TVP23A: variants seen among roughly 807,000 people sequenced by gnomAD.
TVP23A encodes the protein Golgi apparatus membrane protein TVP23 homolog A.
Under a neutral mutation model 31.7 loss-of-function variants are expected in TVP23A, and 21 were observed. The observed-to-expected ratio is 0.66, with a 90% CI of 0.47 to 0.95. The LOEUF is 0.95. Ranked by LOEUF, TVP23A falls within the 40% of genes least tolerant of loss-of-function variation. The pLI, the probability that TVP23A is intolerant of heterozygous loss-of-function variation, is 0.00. For missense variants in TVP23A, 279 were observed against 255.6 expected, an observed-to-expected ratio of 1.09 and a Z score of -0.62; for synonymous variants, 104 against 96.0, an observed-to-expected ratio of 1.08 and a Z score of -0.49.
intron 2 of TVP23A, among the ~76,000 whole-genome samples, chr16:10,811,829 G>A (rs1394727597): frequency 6.7e-6 from 1 of 150,366 alleles, no homozygotes; most frequent in Non-Finnish European, 1.5e-5. Flanking sequence ...GCGTGAACCC[G>A]GGAAGTGGAG....
At chr16:10,771,285 A>G (rs932647675) in intron 6 of TVP23A, among the ~76,000 whole-genome samples, 2 of 152,218 alleles carry the variant, frequency 1.3e-5, no homozygotes, top group Admixed American at 1.3e-4. Flanking sequence ...TCATGGCTGT[A>G]ATCCCAGCAC....
At chr16:10,761,417 G>A in exon 9 of TVP23A, 2 of 1,614,170 alleles carry the variant, frequency 1.2e-6, no homozygotes, top group Non-Finnish European at 1.7e-6. Flanking sequence ...GCAAGGTGAA[G>A]CTGCCCATCA....
rs62026504 is a variant in TVP23A, at chr16:10,810,866, G to A, written c.89+7237C>T. Among the ~76,000 whole-genome samples the A allele has an allele frequency of 2.4e-3, 369 of 152,284 alleles. 4 individuals are homozygous for A. The highest frequency in any genetic ancestry group is 4.0e-3 in the Admixed American group (61 of 15,276). ...CTAGGATGGGTTTTATGCCACCGGC[G>A]TTCCTGGGCCTGCTGCTTGTGGATG... On this transcript the variant is annotated intron_variant, in intron 2 of 7. Coordinates refer to ENST00000299866, the MANE Select transcript of TVP23A (RefSeq NM_001079512.4).
At chr16:10,775,501 C>A (rs893550041) in intron 2 of TVP23A, 11 of 1,053,670 alleles carry the variant, frequency 1.0e-5, no homozygotes, top group Non-Finnish European at 1.3e-5. Flanking sequence ...CAAGCTCACA[C>A]GCAGCCCACG....
At chr16:10,778,431 G>C (rs556541144) in intron 2 of TVP23A, among the ~76,000 whole-genome samples, 2 of 152,274 alleles carry the variant, frequency 1.3e-5, no homozygotes, top group African/African-American at 4.8e-5. Context: ...ACCTAATTGA[G>C]AATTTCCTAA....
intron 6 of TVP23A, among the ~76,000 whole-genome samples, chr16:10,770,868 C>CAAAAAAAA (rs376701429): frequency 0.015 from 973 of 66,396 alleles, 47 homozygotes; most frequent in African/African-American, 0.024. Context: ...ACTCCCATCT[C>CAAAAAAAA]AAAAAAAAAA....
chr16:10,765,062 G>C (rs1054427508), downstream of TVP23A: 15 of 155,948 alleles, frequency 9.6e-5, no homozygotes, highest in East Asian at 1.9e-4. The surrounding 1 kb of genome is among the most constrained non-coding windows in gnomAD (Gnocchi z 4.0). Context: ...CACTAGCTAG[G>C]AGCAGCCTGG....
chr16:10,768,854 T>C lies in TVP23A; in HGVS notation c.*248A>G. The C allele has an allele frequency of 1.8e-6, 1 of 547,830 alleles. No individual in the cohort carries two copies. Among genetic ancestry groups the C allele is most frequent in the Admixed American group, 3.3e-5 (1 of 30,060 alleles). 33.9% of individuals were successfully genotyped at this position (547,830 alleles called of 1,614,324 possible). A position where few individuals can be genotyped will look rare whatever the true frequency, so the allele number is the denominator to read the frequency against. ...GTCCGAGGAAGGCCGCAGCCACTGG[T>C]TATGAGCAAGATGGGTAGTGTGAGG... On this transcript the variant is annotated 3_prime_UTR_variant, in exon 8 of 8. Coordinates refer to ENST00000299866, the MANE Select transcript of TVP23A (RefSeq NM_001079512.4). This position sits in a 1 kb window ranked among gnomAD's most constrained non-coding sequence, Gnocchi z 4.3.
At chr16:10,799,628 C>T (rs1426050009) in intron 2 of TVP23A, among the ~76,000 whole-genome samples, 1 of 152,192 alleles carries the variant, frequency 6.6e-6, no homozygotes, top group African/African-American at 2.4e-5. Context: ...GCCTACATGC[C>T]CGGCCTGTTG....
chr16:10,811,897 C>G (rs2034219242), intron 2 of TVP23A, among the ~76,000 whole-genome samples: 1 of 139,180 alleles, frequency 7.2e-6, no homozygotes, highest in African/African-American at 2.7e-5. Flanking sequence ...GAGCAAGACT[C>G]CGTCTCAAAA....
In TVP23A at chr16:10,779,161, T is replaced by G. The variant is rs2032268644; in HGVS notation, c.90-4065A>C. Among the ~76,000 whole-genome samples the G allele has an allele frequency of 6.6e-6, 1 of 152,198 alleles. No homozygotes were observed. The highest frequency in any genetic ancestry group is 1.5e-5 in the Non-Finnish European group (1 of 68,034). ...AGCTTCCACTTAGCTGGGCCCTGAT[T>G]AACTCAATGGAAAGTGGTGTTACTC... On this transcript the variant is annotated intron_variant, in intron 2 of 7. Transcript: ENST00000299866. This position sits in a 1 kb window ranked among gnomAD's most constrained non-coding sequence, Gnocchi z 4.9.
rs76846202 is a variant in TVP23A, at chr16:10,775,083, T to C, written c.103A>G (p.Thr35Ala). The change falls in exon 3 of 8, where the codon ACC (threonine) becomes GCC (alanine). Residue 35 changes from threonine (T) to alanine (A), a missense_variant. Transcript: ENST00000299866. ...ACTCGGAAAAACAGGTGGAAAAAGG[T>C]GGCCAAGGGGTGTCTAGGAAAGGAC... is the stretch of plus-strand genomic sequence containing the variant. ...RKAKIRHPLA[T>A]FFHLFFRVSA... 6.2e-7 allele frequency: 1 copy of C among 1,608,720 alleles called. No individual in the cohort carries two copies. The highest frequency in any genetic ancestry group is 8.5e-7 in the Non-Finnish European group (1 of 1,177,668).
rs574090992 is a variant in TVP23A at position 10,811,112 on chromosome 16, G to T, written c.89+6991C>A. ...CTTGGGGAAAGGGAAGATGGGTAGG[G>T]ACTGTCTGATGGGTACAGGGCTCCC... On this transcript the variant is annotated intron_variant, in intron 2 of 7. Coordinates refer to ENST00000299866, the MANE Select transcript of TVP23A (RefSeq NM_001079512.4). Among the ~76,000 whole-genome samples the T allele has an allele frequency of 2.1e-3, 323 of 152,244 alleles. 2 individuals are homozygous for T. Among genetic ancestry groups the T allele is most frequent in the African/African-American group, 7.5e-3 (312 of 41,544 alleles).
chr16:10,770,868 C>CAAAAA lies in TVP23A; in HGVS notation c.583-542_583-538dup, dbSNP rs376701429. Among the ~76,000 whole-genome samples, 50 of 66,450 alleles carry CAAAAA rather than the reference C, an allele frequency of 7.5e-4. 2 individuals are homozygous for CAAAAA. The highest frequency in any genetic ancestry group is 2.5e-3 in the African/African-American group (48 of 19,012). 43.6% of individuals were successfully genotyped at this position (66,450 alleles called of 152,430 possible). A position where few individuals can be genotyped will look rare whatever the true frequency, so the allele number is the denominator to read the frequency against. On this transcript the variant is annotated intron_variant, in intron 6 of 7. Transcript: ENST00000299866. ...TGGGAGCAGAGTGAGACTCCCATCTCAAAAAAAAAAAAAAAAAAAAAAAAA... is the reference window on the plus strand; with the variant it reads ...TGGGAGCAGAGTGAGACTCCCATCTCAAAAAAAAAAAAAAAAAAAAAAAAAAAAAA...
At chr16:10,814,774 C>T (rs2034361509) in intron 2 of TVP23A, among the ~76,000 whole-genome samples, 1 of 152,226 alleles carries the variant, frequency 6.6e-6, no homozygotes, top group Non-Finnish European at 1.5e-5. Flanking sequence ...GTGGCTGAGG[C>T]CACCGTGCTG....
intron 2 of TVP23A, among the ~76,000 whole-genome samples, chr16:10,789,909 G>A (rs2033001912): frequency 6.6e-6 from 1 of 152,076 alleles, no homozygotes; most frequent in African/African-American, 2.4e-5. Flanking sequence ...GCAGGAGGAG[G>A]GGGCTGGTTG....
intron 2 of TVP23A, among the ~76,000 whole-genome samples, chr16:10,813,999 C>CAAA (rs201277067): frequency 0.011 from 549 of 49,332 alleles, 20 homozygotes; most frequent in African/African-American, 0.015. Flanking sequence ...AACTCCATCT[C>CAAA]AAAAAAAAAA....
At chr16:10,805,696 T>G (rs1033293042) in intron 2 of TVP23A, among the ~76,000 whole-genome samples, 2 of 151,662 alleles carry the variant, frequency 1.3e-5, no homozygotes, top group Non-Finnish European at 1.5e-5. Context: ...CTCAAGTTAC[T>G]TTGTTTTGAT....
intron 2 of TVP23A, among the ~76,000 whole-genome samples, chr16:10,786,796 G>A (rs1029959071): frequency 4.6e-5 from 7 of 152,028 alleles, no homozygotes; most frequent in East Asian, 1.9e-4. Flanking sequence ...ATACTTTTAC[G>A]TAAATTTGAA....
Sources: allele counts gnomAD v4.1 joint callset (sites outside exome capture counted in the v4.1 genomes callset), GRCh38; gene constraint gnomAD v4.1.1; non-coding constraint Gnocchi (gnomAD v3.1); transcripts MANE v1.5; gene names NCBI Gene and HGNC (gene_info 2026-07-23, HGNC 2026-07-21).